Variants in CAMK1D observed in about 807,000 individuals in gnomAD.
The protein encoded by CAMK1D is calcium/calmodulin-dependent protein kinase type 1D.
In CAMK1D, 9 loss-of-function variants were observed where a neutral mutation model predicts 47.7. The ratio of observed to expected loss-of-function variants is 0.19; its 90% confidence interval spans 0.11 to 0.33. The LOEUF (loss-of-function observed/expected upper bound fraction) is 0.33, where lower values mean the gene tolerates loss of function less well. CAMK1D is among the 10% of genes least tolerant of loss of function. CAMK1D has a pLI of 1.00. For synonymous variants in CAMK1D, 184 were observed against 184.9 expected, an observed-to-expected ratio of 0.99 and a Z score of 0.04; for missense variants, 291 against 488.7, an observed-to-expected ratio of 0.60 and a Z score of 3.81.
At chr10:12,449,625 A>T (rs1407785594) in intron 1 of CAMK1D, among the ~76,000 whole-genome samples, 3 of 150,508 alleles carry the variant, frequency 2.0e-5, no homozygotes, top group Non-Finnish European at 4.4e-5. Context: ...TCATGTTACG[A>T]TGTATACATA....
chr10:12,550,001 G>T (rs187459623), intron 1 of CAMK1D, among the ~76,000 whole-genome samples: 21 of 152,292 alleles, frequency 1.4e-4, no homozygotes, highest in Admixed American at 5.9e-4. Flanking sequence ...TCCCCTCTGC[G>T]TTGGCCGTGG....
intron 1 of CAMK1D, among the ~76,000 whole-genome samples, chr10:12,453,228 C>G (rs191199585): frequency 1.4e-5 from 2 of 147,872 alleles, no homozygotes; most frequent in Non-Finnish European, 3.0e-5. Context: ...TTCACTCTGT[C>G]GCCTAGGCTG....
chr10:12,805,624 C>A (rs1838695691), intron 6 of CAMK1D, among the ~76,000 whole-genome samples: 1 of 152,156 alleles, frequency 6.6e-6, no homozygotes. Flanking sequence ...CCCACCTCGG[C>A]CTCCCAAAGT....
chr10:12,454,627 A>G (rs1474198742), intron 1 of CAMK1D, among the ~76,000 whole-genome samples: 1 of 151,898 alleles, frequency 6.6e-6, no homozygotes, highest in Non-Finnish European at 1.5e-5. Flanking sequence ...CATGCCTGGC[A>G]AATTTTAAAA....
intron 2 of CAMK1D, among the ~76,000 whole-genome samples, chr10:12,656,456 C>T (rs901264183): frequency 1.3e-5 from 2 of 152,034 alleles, no homozygotes; most frequent in Non-Finnish European, 2.9e-5. Context: ...CACACCACTG[C>T]GCTCCAGCCT....
intron 1 of CAMK1D, among the ~76,000 whole-genome samples, chr10:12,366,679 A>T (rs1325448285): frequency 6.6e-6 from 1 of 151,948 alleles, no homozygotes; most frequent in South Asian, 2.1e-4. Context: ...AGAAGAGTCA[A>T]TCATTGGCTG....
rs1299787804 is a variant in CAMK1D at position 12,520,773 on chromosome 10, A to C, written c.93-32452A>C. ...AAAACCCAGTCTCCACCAAAAAAAA[A>C]CGAAAACCAGTCAGGCGTGGCAGCG... is the stretch of plus-strand genomic sequence containing the variant. On this transcript the variant is annotated intron_variant, in intron 1 of 10. Coordinates refer to ENST00000619168, the MANE Select transcript of CAMK1D (RefSeq NM_153498.4). Among the ~76,000 whole-genome samples the C allele has an allele frequency of 5.0e-5, 2 of 40,386 alleles. 1 individual carries two copies. The highest frequency in any genetic ancestry group is 9.9e-5 in the Non-Finnish European group (2 of 20,106). 26.5% of individuals were successfully genotyped at this position (40,386 alleles called of 152,430 possible).
chr10:12,470,029 G>T (rs1186649465), intron 1 of CAMK1D, among the ~76,000 whole-genome samples: 1 of 152,160 alleles, frequency 6.6e-6, no homozygotes, highest in Non-Finnish European at 1.5e-5. Flanking sequence ...CTTTGGACTT[G>T]AAGATATGTC....
At chr10:12,730,495 A>G (rs989864992) in intron 3 of CAMK1D, among the ~76,000 whole-genome samples, 1 of 152,220 alleles carries the variant, frequency 6.6e-6, no homozygotes, top group South Asian at 2.1e-4. Context: ...AGCCTGGGCT[A>G]TAGATACACA....
At chr10:12,491,276 T>G (rs1834376262) in intron 1 of CAMK1D, among the ~76,000 whole-genome samples, 1 of 152,134 alleles carries the variant, frequency 6.6e-6, no homozygotes, top group Non-Finnish European at 1.5e-5. Context: ...TGATGGTGAT[T>G]AATTGAGTTC....
intron 6 of CAMK1D, among the ~76,000 whole-genome samples, chr10:12,811,758 A>G (rs1010039243): frequency 5.3e-5 from 8 of 152,244 alleles, no homozygotes; most frequent in African/African-American, 1.9e-4. Context: ...TCACATATCT[A>G]GAATTTAGTT....
At chr10:12,517,192 C>T (rs7095541) in intron 1 of CAMK1D, among the ~76,000 whole-genome samples, 2 of 151,746 alleles carry the variant, frequency 1.3e-5, no homozygotes, top group African/African-American at 2.4e-5. Flanking sequence ...GTTCATTGCT[C>T]GTATATAGAA....
intron 1 of CAMK1D, among the ~76,000 whole-genome samples, chr10:12,505,293 G>A (rs1834836379): frequency 1.3e-5 from 2 of 152,194 alleles, no homozygotes; most frequent in Admixed American, 6.5e-5. Flanking sequence ...TTGTTTGTAG[G>A]TAGAGGAGCT....
chr10:12,665,930 C>A (rs995267078), intron 2 of CAMK1D, among the ~76,000 whole-genome samples: 4 of 152,240 alleles, frequency 2.6e-5, no homozygotes, highest in Non-Finnish European at 5.9e-5. Context: ...GTTTGAGCAG[C>A]GCTGGTCTAA....
chr10:12,432,654 AAATGAGTGAGTTGAATAAATG>A (rs1832519515), intron 1 of CAMK1D, among the ~76,000 whole-genome samples: 1 of 152,254 alleles, frequency 6.6e-6, no homozygotes, highest in South Asian at 2.1e-4. Context: ...GCAAATGAAC[AAATGAGTGAGTTGAATAAATG>A]AATGGGTGAG....
intron 2 of CAMK1D, among the ~76,000 whole-genome samples, chr10:12,636,561 C>T (rs1282819707): frequency 6.6e-6 from 1 of 152,190 alleles, no homozygotes; most frequent in Non-Finnish European, 1.5e-5. Flanking sequence ...CTCCTGGGAT[C>T]AAGCGTTTCT....
At chr10:12,673,223 C>T (rs72771776) in intron 3 of CAMK1D, among the ~76,000 whole-genome samples, 44,247 of 124,234 alleles carry the variant, frequency 0.36, 7,029 homozygotes, top group Middle Eastern at 0.48. Context: ...TTTGAGCTTA[C>T]GTTGAATCTG....
At chr10:12,445,708 A>G (rs1832905298) in intron 1 of CAMK1D, among the ~76,000 whole-genome samples, 1 of 152,226 alleles carries the variant, frequency 6.6e-6, no homozygotes, top group African/African-American at 2.4e-5. Context: ...TTAATGTAAA[A>G]GTCATAAACC....
chr10:12,619,353 C>A (rs1342093314), intron 2 of CAMK1D, among the ~76,000 whole-genome samples: 1 of 151,800 alleles, frequency 6.6e-6, no homozygotes, highest in East Asian at 1.9e-4. Flanking sequence ...TGCAGTGGTA[C>A]AATCATGGCT....
Sources: gnomAD v4.1 joint callset for allele counts (sites outside exome capture counted in the v4.1 genomes callset) on GRCh38, gnomAD v4.1.1 for gene constraint, MANE v1.5 for transcripts, NCBI Gene and HGNC (gene_info 2026-07-23, HGNC 2026-07-21) for gene names.